The following KDM4B variants were observed in gnomAD, a reference collection of about 807,000 sequenced individuals.
KDM4B encodes the protein lysine-specific demethylase 4B.
A neutral mutation model predicts 125.2 loss-of-function variants in KDM4B; 32 were observed. The observed-to-expected ratio is 0.26, with a 90% confidence interval of 0.19 to 0.34. The LOEUF (loss-of-function observed/expected upper bound fraction) is 0.34, where lower values mean the gene tolerates loss of function less well. KDM4B is among the 10% of genes least tolerant of loss of function. KDM4B has a pLI of 1.00. For synonymous variants in KDM4B, 721 were observed against 677.9 expected, an observed-to-expected ratio of 1.06 and a Z score of -0.99; for missense variants, 1,190 against 1,577.7, an observed-to-expected ratio of 0.75 and a Z score of 4.16.
chr19:4,983,498 C>T (rs984570901), intron 1 of KDM4B, among the ~76,000 whole-genome samples: 2 of 152,252 alleles, frequency 1.3e-5, no homozygotes, highest in South Asian at 2.1e-4. Flanking sequence ...AGTGGGCTCT[C>T]GCCCACAGTC....
intron 5 of KDM4B, among the ~76,000 whole-genome samples, chr19:5,045,887 GGCGTGAGCTACCGC>G (rs1167292116): frequency 6.6e-6 from 1 of 152,252 alleles, no homozygotes; most frequent in East Asian, 1.9e-4. Context: ...TGGGATTACA[GGCGTGAGCTACCGC>G]GCCTGGCCAT....
At chr19:5,129,758 G>A (rs893787102) in intron 11 of KDM4B, among the ~76,000 whole-genome samples, 4 of 152,206 alleles carry the variant, frequency 2.6e-5, no homozygotes, top group African/African-American at 9.6e-5. Context: ...GTGGGGGCCT[G>A]AGCCCCTGTC....
chr19:5,071,486 C>T (rs1350720966), intron 7 of KDM4B, among the ~76,000 whole-genome samples: 3 of 152,242 alleles, frequency 2.0e-5, no homozygotes, highest in African/African-American at 7.2e-5. Context: ...TGCGGGGGAG[C>T]AGACATGGTG....
At chr19:4,980,329 G>A (rs1467487563) in intron 1 of KDM4B, among the ~76,000 whole-genome samples, 2 of 151,396 alleles carry the variant, frequency 1.3e-5, no homozygotes, top group African/African-American at 2.4e-5. Flanking sequence ...CACACACTGT[G>A]TGGCCTGTTG....
intron 6 of KDM4B, among the ~76,000 whole-genome samples, chr19:5,051,626 G>A (rs1410699805): frequency 1.3e-5 from 2 of 152,208 alleles, no homozygotes; most frequent in African/African-American, 2.4e-5. Flanking sequence ...CGGGGCCAGC[G>A]CAGGTGCGTG....
rs773119962 is a variant in KDM4B, at chr19:5,032,957, G to C, written c.67G>C (p.Glu23Gln). The change falls in exon 3 of 23, where the codon GAA becomes CAA. Residue 23 changes from glutamate to glutamine, a missense_variant. By Grantham distance (29) the Glu-to-Gln change is conservative (BLOSUM62 2). Transcript: ENST00000159111. ...AATCATGACGTTTCGCCCAACCATG[G>C]AAGAATTTAAAGACTTCAACAAATA... Reference protein sequence around the residue: ...CKIMTFRPTMEEFKDFNKYVA... With the variant: ...CKIMTFRPTMQEFKDFNKYVA... The C allele has an allele frequency of 6.2e-7, 1 of 1,614,188 alleles. No individual in the cohort carries two copies. The highest frequency in any genetic ancestry group is 1.1e-5 in the South Asian group (1 of 91,086).
chr19:5,059,395 C>T (rs1486832558), intron 6 of KDM4B, among the ~76,000 whole-genome samples: 5 of 152,188 alleles, frequency 3.3e-5, no homozygotes, highest in Admixed American at 1.3e-4. Flanking sequence ...AGCAGCCTCC[C>T]GCCGAGGGCT....
intron 1 of KDM4B, among the ~76,000 whole-genome samples, chr19:4,998,725 T>C (rs1416886198): frequency 6.6e-6 from 1 of 152,168 alleles, no homozygotes; most frequent in African/African-American, 2.4e-5. Flanking sequence ...GTCGGTTCCT[T>C]TTAACCTGGG....
rs1756935252 is a variant in KDM4B at position 4,971,477 on chromosome 19, G to A, written c.-109+2247G>A. Among the ~76,000 whole-genome samples the A allele has an allele frequency of 1.3e-5, 2 of 152,094 alleles. No homozygotes were observed. Among genetic ancestry groups the A allele is most frequent in the African/African-American group, 2.4e-5 (1 of 41,404 alleles). On this transcript the variant is annotated intron_variant, in intron 1 of 22. Coordinates refer to ENST00000159111, the MANE Select transcript of KDM4B (RefSeq NM_015015.3). The surrounding 1 kb of genome is among the most constrained non-coding windows in gnomAD (Gnocchi z 4.1). ...TGCCCCACCCACTCCCTGATGAGCCGGGGAGGAGCCTCAGCTCTGGGGAAG... is the reference window on the plus strand; with the variant it reads ...TGCCCCACCCACTCCCTGATGAGCCAGGGAGGAGCCTCAGCTCTGGGGAAG...
At chr19:5,071,162 G>A (rs2037936795) in intron 7 of KDM4B, 103 bp downstream of exon 7, 1 of 1,136,278 alleles carries the variant, frequency 8.8e-7, no homozygotes, top group Admixed American at 2.3e-5. Context: ...TGCGGTCTGG[G>A]TTTGGGTTTT....
At position 4,969,127 on chromosome 19, in the gene KDM4B, A is replaced by G. The variant is rs2034147251; in HGVS notation, c.-212A>G. ...AGCGCTTGCGGAGGGCTCGGTCGCC[A>G]GCAACCGAGCGGGGCCCGGCCCGAG... On this transcript the variant is annotated 5_prime_UTR_variant, in exon 1 of 23. Coordinates refer to ENST00000159111, the MANE Select transcript of KDM4B (RefSeq NM_015015.3). 1 of 150,890 alleles carries G rather than the reference A, an allele frequency of 6.6e-6. No individual in the cohort carries two copies. The highest frequency in any genetic ancestry group is 1.5e-5 in the Non-Finnish European group (1 of 67,638). The allele number at this position is 150,890 out of a possible 1,614,324, so 9.3% of individuals were successfully genotyped here.
At chr19:4,988,081 C>T (rs1057188025) in intron 1 of KDM4B, among the ~76,000 whole-genome samples, 8 of 152,186 alleles carry the variant, frequency 5.3e-5, no homozygotes, top group African/African-American at 1.7e-4. Context: ...TTCCAGCACA[C>T]GCGAGCAAAG....
At chr19:4,973,109 ACTCAC>A (rs1446073393) in intron 1 of KDM4B, among the ~76,000 whole-genome samples, 3 of 152,146 alleles carry the variant, frequency 2.0e-5, no homozygotes, top group Non-Finnish European at 4.4e-5. Context: ...TTTAAAAATG[ACTCAC>A]CTCTTTGATC....
Position 5,035,883 on chromosome 19 carries a change from G to GCGCGCGCGCGCGCGCGCCTGCGCGCA in KDM4B, c.141+2865_141+2866insGCGCCTGCGCGCACGCGCGCGCGCGC. Among the ~76,000 whole-genome samples, 1 of 96,138 alleles carries GCGCGCGCGCGCGCGCGCCTGCGCGCA rather than the reference G, an allele frequency of 1.0e-5. No homozygotes were observed. The highest frequency in any genetic ancestry group is 5.4e-3 in the Middle Eastern group (1 of 184). 63.1% of individuals were successfully genotyped at this position (96,138 alleles called of 152,430 possible). A position where few individuals can be genotyped will look rare whatever the true frequency, so the allele number is the denominator to read the frequency against. The stretch of plus-strand genomic sequence containing the variant: ...TGTCTCTGTGTGTGTGTGTGTGTGC[G>GCGCGCGCGCGCGCGCGCCTGCGCGCA]CGCGCGCGCGCGCCTGCGCGCACAG... On this transcript the variant is annotated intron_variant, in intron 3 of 22. Transcript: ENST00000159111. This position sits in a 1 kb window ranked among gnomAD's most constrained non-coding sequence, Gnocchi z 5.3.
intron 1 of KDM4B, among the ~76,000 whole-genome samples, chr19:4,995,547 A>G (rs1370326708): frequency 1.3e-5 from 2 of 152,040 alleles, no homozygotes; most frequent in East Asian, 1.9e-4. Flanking sequence ...CCAAAGTGCT[A>G]GGATTACAGG....
chr19:5,079,413 ATCT>A lies in KDM4B; in HGVS notation c.780+1948_780+1950del, dbSNP rs750544615. On this transcript the variant is annotated intron_variant, in intron 8 of 22. Coordinates refer to ENST00000159111, the MANE Select transcript of KDM4B (RefSeq NM_015015.3). ...ATGCAGGTTTTCTCGCAGGAACATA[ATCT>A]TCTTGTCCTAACCGAGCACATTTTC... Among the ~76,000 whole-genome samples, 8 of 152,314 alleles carry A rather than the reference ATCT, an allele frequency of 5.3e-5. No homozygotes were observed. The East Asian group carries it at 5.8e-4, about 11-fold the overall frequency.
At chr19:5,055,213 C>T (rs1024078093) in intron 6 of KDM4B, among the ~76,000 whole-genome samples, 4 of 152,342 alleles carry the variant, frequency 2.6e-5, no homozygotes, top group South Asian at 2.1e-4. Context: ...GAACACCTCT[C>T]GGCCAGGGTG....
chr19:4,996,244 C>T (rs149185455), intron 1 of KDM4B, among the ~76,000 whole-genome samples: 185 of 152,328 alleles, frequency 1.2e-3, no homozygotes, highest in African/African-American at 4.2e-3. Context: ...CCTACCTCAG[C>T]CTCCCAAAGC....
intron 6 of KDM4B, among the ~76,000 whole-genome samples, chr19:5,067,949 C>A (rs1269608173): frequency 2.0e-5 from 3 of 152,216 alleles, no homozygotes; most frequent in Non-Finnish European, 2.9e-5. Flanking sequence ...GGGAGTGAGA[C>A]AAACTGCCTC....
Sources: gnomAD v4.1 joint callset for allele counts (sites outside exome capture counted in the v4.1 genomes callset) on GRCh38, gnomAD v4.1.1 for gene constraint, Gnocchi (gnomAD v3.1) non-coding constraint, MANE v1.5 for transcripts, NCBI Gene and HGNC (gene_info 2026-07-23, HGNC 2026-07-21) for gene names.